The following TRPM1 variants were observed in gnomAD, a reference collection of about 807,000 sequenced individuals.
The protein encoded by TRPM1 is transient receptor potential cation channel subfamily M member 1, also known as TRPM1-203 APA Isoform, Intron 10.
In TRPM1, 113 loss-of-function variants were observed where a neutral mutation model predicts 149.4. That is an observed-to-expected ratio of 0.76 (90% CI 0.65 to 0.88). The LOEUF (loss-of-function observed/expected upper bound fraction) is 0.88. Among genes scored for constraint, TRPM1 ranks in the 40% least tolerant of loss-of-function variants. The pLI, the probability that TRPM1 is intolerant of heterozygous loss-of-function variation, is 0.00. For synonymous variants in TRPM1, 741 were observed against 759.5 expected (o/e 0.98, Z 0.40); for missense variants, 1,976 against 2,038.7 (o/e 0.97, Z 0.59).
At chr15:31,071,463 C>T (rs2034537284) in intron 3 of TRPM1, among the ~76,000 whole-genome samples, 1 of 152,146 alleles carries the variant, frequency 6.6e-6, no homozygotes, top group Non-Finnish European at 1.5e-5. Flanking sequence ...TCTGTGCTCC[C>T]ATGGGGCCAG....
intron 27 of TRPM1, among the ~76,000 whole-genome samples, chr15:31,019,932 G>T (rs1011054083): frequency 3.9e-5 from 6 of 152,234 alleles, no homozygotes; most frequent in Non-Finnish European, 8.8e-5. Flanking sequence ...GCCTCCCAAA[G>T]TGCTAGGATT....
intron 27 of TRPM1, among the ~76,000 whole-genome samples, chr15:31,008,269 G>C (rs754882867): frequency 4.6e-5 from 7 of 152,166 alleles, no homozygotes; most frequent in Admixed American, 1.3e-4. Context: ...CTTGTTCCCA[G>C]TTTTAGGGAG....
intron 27 of TRPM1, among the ~76,000 whole-genome samples, chr15:31,022,448 T>G (rs911673359): frequency 2.0e-5 from 3 of 151,610 alleles, no homozygotes; most frequent in African/African-American, 7.3e-5. Flanking sequence ...CTGGGCAACA[T>G]AGTGAGACCC....
chr15:31,041,940 T>TG lies in TRPM1; in HGVS notation c.2087+10_2087+11insC. On this transcript the variant is annotated intron_variant, in intron 17 of 27. Coordinates refer to ENST00000256552, the MANE Select transcript of TRPM1 (RefSeq NM_001252024.2). Reference sequence around the variant, plus strand: ...TCTCTCCTGGCCTTTAAATCCCCGCTAGACACTAACTTGGAATTGTTATCC... The same window carrying TG: ...TCTCTCCTGGCCTTTAAATCCCCGCTGAGACACTAACTTGGAATTGTTATCC... The TG allele has an allele frequency of 2.5e-6, 4 of 1,614,116 alleles. No individual in the cohort carries two copies. Among genetic ancestry groups the TG allele is most frequent in the Non-Finnish European group, 3.4e-6 (4 of 1,180,008 alleles).
intron 7 of TRPM1, among the ~76,000 whole-genome samples, chr15:31,065,871 C>G (rs1398497098): frequency 6.6e-6 from 1 of 152,210 alleles, no homozygotes; most frequent in African/African-American, 2.4e-5. Context: ...ACTTGTGAAC[C>G]TGGGGCAAAG....
At chr15:31,082,859 C>T (rs893449019) in intron 1 of TRPM1, among the ~76,000 whole-genome samples, 4 of 151,996 alleles carry the variant, frequency 2.6e-5, no homozygotes, top group Admixed American at 2.0e-4. Flanking sequence ...GTGTCAACCC[C>T]GAGGAGAAGT....
intron 1 of TRPM1, among the ~76,000 whole-genome samples, chr15:31,156,316 G>C (rs1247019449): frequency 6.6e-6 from 1 of 151,078 alleles, no homozygotes; most frequent in Non-Finnish European, 1.5e-5. Context: ...GCTGTAAAGA[G>C]TTCTATTAAC....
intron 10 of TRPM1, among the ~76,000 whole-genome samples, chr15:31,061,040 G>A (rs1479639587): frequency 6.6e-6 from 1 of 152,166 alleles, no homozygotes; most frequent in African/African-American, 2.4e-5. Context: ...GAGGAAGTGT[G>A]CATCCCAGAG....
intron 1 of TRPM1, among the ~76,000 whole-genome samples, chr15:31,088,941 T>G (rs1349899729): frequency 1.3e-5 from 2 of 152,176 alleles, no homozygotes; most frequent in South Asian, 2.1e-4. Context: ...TGGAAGCTGC[T>G]GGCGCCTCTG....
At chr15:31,134,035 C>T (rs117714415) in intron 1 of TRPM1, among the ~76,000 whole-genome samples, 2,496 of 152,290 alleles carry the variant, frequency 0.016, 30 homozygotes, top group South Asian at 0.023. Flanking sequence ...GATGCCCTGG[C>T]AGTCCATGCA....
intron 1 of TRPM1, among the ~76,000 whole-genome samples, chr15:31,160,669 C>G (rs1291869843): frequency 6.6e-6 from 1 of 152,212 alleles, no homozygotes; most frequent in Non-Finnish European, 1.5e-5. Context: ...CACAGCCACT[C>G]GAAGGTGGGA....
rs565325974 is a variant in TRPM1, at chr15:31,049,571, G to C, written c.1438-62C>G. On this transcript the variant is annotated intron_variant, in intron 12 of 27. Transcript: ENST00000256552. ...TCTCAGAGACACAGGGGAGGGGGGCGACTGGAAACACAGAGGAAAGGGTAT... is the reference window on the plus strand; with the variant it reads ...TCTCAGAGACACAGGGGAGGGGGGCCACTGGAAACACAGAGGAAAGGGTAT... The C allele has an allele frequency of 9.5e-5, 151 of 1,592,288 alleles. No homozygotes were observed. The African/African-American group carries it at 1.9e-3, about 20-fold the overall frequency.
At chr15:31,128,583 G>A (rs914266422) in intron 1 of TRPM1, among the ~76,000 whole-genome samples, 3 of 152,162 alleles carry the variant, frequency 2.0e-5, no homozygotes, top group African/African-American at 4.8e-5. Flanking sequence ...GGGGGAGACG[G>A]TGCTGGATGG....
In TRPM1 at chr15:31,050,514, G is replaced by A; in HGVS notation, c.1332C>T (p.Ala444=). Reference sequence around the variant, plus strand: ...CTTTTCCTCTTCCTCCCTTGGTGGTGGCCATGGGTGGCTTCTTCTCCTTCT... The same window carrying A: ...CTTTTCCTCTTCCTCCCTTGGTGGTAGCCATGGGTGGCTTCTTCTCCTTCT... ...ATEKEKKPPM[A]TTKGGRGKGK... Residue 444 remains alanine (A), a synonymous_variant, in exon 12 of 28, where the codon GCC becomes GCT. Coordinates refer to ENST00000256552, the MANE Select transcript of TRPM1 (RefSeq NM_001252024.2). 6.2e-7 allele frequency: 1 copy of A among 1,613,926 alleles called. No homozygotes were observed. Among genetic ancestry groups the A allele is most frequent in the East Asian group, 2.2e-5 (1 of 44,866 alleles).
intron 1 of TRPM1, among the ~76,000 whole-genome samples, chr15:31,088,700 G>A (rs752185259): frequency 1.3e-5 from 2 of 152,150 alleles, no homozygotes; most frequent in Non-Finnish European, 2.9e-5. Context: ...TTGGGATTTG[G>A]GGGCCGTCGT....
intron 21 of TRPM1, 60 bp downstream of exon 21, chr15:31,035,486 G>A (rs2033316476): frequency 6.2e-7 from 1 of 1,611,240 alleles, no homozygotes; most frequent in Non-Finnish European, 8.5e-7. Flanking sequence ...TCAGTAAGGA[G>A]CCATATCTGC....
chr15:31,065,072 G>C, intron 7 of TRPM1: 1 of 534,772 alleles, frequency 1.9e-6, no homozygotes, highest in Non-Finnish European at 3.8e-6. Flanking sequence ...CCCCTTTGCT[G>C]TCCCTGCCCT....
At chr15:31,095,915 A>G (rs1158765471) in intron 1 of TRPM1, among the ~76,000 whole-genome samples, 1 of 151,908 alleles carries the variant, frequency 6.6e-6, no homozygotes, top group African/African-American at 2.4e-5. Context: ...GCGTGGTGGC[A>G]GTTGCCTGTA....
At chr15:31,021,905 C>CA (rs995551605) in intron 27 of TRPM1, among the ~76,000 whole-genome samples, 17 of 151,924 alleles carry the variant, frequency 1.1e-4, no homozygotes, top group Non-Finnish European at 1.9e-4. Flanking sequence ...TGTGAAATGT[C>CA]AGACATTAAT....
Sources: gnomAD v4.1 joint callset for allele counts (sites outside exome capture counted in the v4.1 genomes callset) on GRCh38, gnomAD v4.1.1 for gene constraint, MANE v1.5 for transcripts, NCBI Gene and HGNC (gene_info 2026-07-23, HGNC 2026-07-21) for gene names.